CACNA2D1: variants seen among roughly 807,000 people sequenced by gnomAD.
CACNA2D1 encodes voltage-dependent calcium channel subunit alpha-2/delta-1.
CACNA2D1 carries 53 observed loss-of-function variants against 171.5 expected under a neutral mutation model. The ratio of observed to expected loss-of-function variants is 0.31; its 90% CI spans 0.25 to 0.39. The LOEUF is 0.39. CACNA2D1 is among the 10% of genes least tolerant of loss of function. The pLI is 1.00. For missense variants in CACNA2D1, 903 were observed against 1,299.8 expected (o/e 0.69, Z 4.69); for synonymous variants, 442 against 443.1 (o/e 1.00, Z 0.03).
chr7:82,347,637 G>C (rs1341684078), intron 2 of CACNA2D1, among the ~76,000 whole-genome samples: 1 of 152,102 alleles, frequency 6.6e-6, no homozygotes, highest in Non-Finnish European at 1.5e-5. Flanking sequence ...GTCTGTGTAA[G>C]ATGACACTCT....
intron 3 of CACNA2D1, among the ~76,000 whole-genome samples, chr7:82,290,717 C>T (rs1266296598): frequency 1.3e-5 from 2 of 151,684 alleles, no homozygotes; most frequent in Non-Finnish European, 2.9e-5. Flanking sequence ...ATGCCTCAGC[C>T]TCCCGAGCAG....
At chr7:82,088,766 T>C (rs1810786208) in intron 6 of CACNA2D1, among the ~76,000 whole-genome samples, 2 of 152,120 alleles carry the variant, frequency 1.3e-5, no homozygotes, top group African/African-American at 4.8e-5. Context: ...AATTATATTG[T>C]ATTTTATATT....
intron 3 of CACNA2D1, among the ~76,000 whole-genome samples, chr7:82,286,554 A>C (rs1045255834): frequency 5.9e-5 from 9 of 152,134 alleles, no homozygotes; most frequent in Non-Finnish European, 1.2e-4. Flanking sequence ...AATCTTTCCA[A>C]AGTGATTTTC....
chr7:82,125,812 C>T (rs900373159), intron 5 of CACNA2D1, among the ~76,000 whole-genome samples: 1 of 152,134 alleles, frequency 6.6e-6, no homozygotes, highest in African/African-American at 2.4e-5. Flanking sequence ...GAGCATTTAA[C>T]TTTGCTTTGT....
intron 1 of CACNA2D1, among the ~76,000 whole-genome samples, chr7:82,440,433 A>C (rs1232042470): frequency 4.5e-4 from 68 of 151,994 alleles, no homozygotes; most frequent in Non-Finnish European, 1.2e-4. Flanking sequence ...ACCCTTTTTG[A>C]AAGCTACATT....
chr7:82,234,357 A>G (rs1262459846), intron 3 of CACNA2D1, among the ~76,000 whole-genome samples: 2 of 152,136 alleles, frequency 1.3e-5, no homozygotes, highest in East Asian at 3.8e-4. Context: ...TAAAAAATAT[A>G]TTTTTTACTA....
chr7:82,040,618 G>A (rs76310981), intron 10 of CACNA2D1, among the ~76,000 whole-genome samples: 40,221 of 151,846 alleles, frequency 0.26, 5,491 homozygotes, highest in Middle Eastern at 0.49. Flanking sequence ...GACTGTTTTG[G>A]ATGAGAGAAA....
intron 3 of CACNA2D1, among the ~76,000 whole-genome samples, chr7:82,236,420 G>C (rs1178243846): frequency 6.6e-6 from 1 of 151,970 alleles, no homozygotes; most frequent in African/African-American, 2.4e-5. Context: ...AGGTACTCTA[G>C]ACATGCATAA....
chr7:82,192,020 C>T lies in CACNA2D1; in HGVS notation c.295-21411G>A, dbSNP rs146542122. ...AAAACTTCTTAAAGTTGTATTTTCA[C>T]AAATTCATGCATCTAAAAAAATGTT... On this transcript the variant is annotated intron_variant, in intron 3 of 38. Coordinates refer to ENST00000356860, the MANE Select transcript of CACNA2D1 (RefSeq NM_000722.4). Among the ~76,000 whole-genome samples the T allele has an allele frequency of 1.4e-4, 21 of 151,804 alleles. No individual in the cohort carries two copies. In the East Asian group the frequency reaches 4.1e-3, roughly 29 times the overall value.
intron 4 of CACNA2D1, among the ~76,000 whole-genome samples, chr7:82,148,946 T>G (rs531001411): frequency 6.6e-6 from 1 of 152,310 alleles, no homozygotes; most frequent in Non-Finnish European, 1.5e-5. Context: ...TGGACACCCT[T>G]CTTAATGCCT....
intron 3 of CACNA2D1, among the ~76,000 whole-genome samples, chr7:82,323,264 TAAA>T (rs879405351): frequency 6.9e-6 from 1 of 144,736 alleles, no homozygotes; most frequent in South Asian, 2.2e-4. Context: ...GCTATGTTGT[TAAA>T]AAAAAAAAAG....
intron 3 of CACNA2D1, among the ~76,000 whole-genome samples, chr7:82,219,625 A>T (rs774463747): frequency 1.3e-5 from 2 of 152,150 alleles, no homozygotes; most frequent in Non-Finnish European, 2.9e-5. Flanking sequence ...ATTTTCTTTG[A>T]AGAGCAAAGA....
chr7:82,063,947 C>T (rs1417739119), intron 9 of CACNA2D1, among the ~76,000 whole-genome samples: 2 of 151,606 alleles, frequency 1.3e-5, no homozygotes, highest in Non-Finnish European at 2.9e-5. Context: ...TAACCTTGAT[C>T]TCCTGGGCTC....
At chr7:81,994,741 A>C (rs1797870610) in intron 20 of CACNA2D1, 127 bp downstream of exon 20, 1 of 603,898 alleles carries the variant, frequency 1.7e-6, no homozygotes, top group Non-Finnish European at 3.0e-6. Flanking sequence ...AAAAAGAAAA[A>C]TTGTTTCCTA....
At chr7:82,383,826 T>A (rs965457310) in intron 1 of CACNA2D1, among the ~76,000 whole-genome samples, 1 of 152,216 alleles carries the variant, frequency 6.6e-6, no homozygotes, top group Non-Finnish European at 1.5e-5. Flanking sequence ...TTGTTCAAAG[T>A]TCTTTCCATA....
At chr7:81,965,323 A>C (rs1339863315) in intron 32 of CACNA2D1, among the ~76,000 whole-genome samples, 1 of 151,950 alleles carries the variant, frequency 6.6e-6, no homozygotes, top group East Asian at 1.9e-4. Flanking sequence ...AAGTTTTCTA[A>C]ATATCAGAAA....
intron 3 of CACNA2D1, among the ~76,000 whole-genome samples, chr7:82,296,220 T>C (rs889484608): frequency 6.6e-6 from 1 of 151,668 alleles, no homozygotes; most frequent in African/African-American, 2.4e-5. Flanking sequence ...ATAACTAACC[T>C]GCACATTGTG....
chr7:81,961,540 T>C (rs1794115910), intron 36 of CACNA2D1, among the ~76,000 whole-genome samples: 3 of 151,526 alleles, frequency 2.0e-5, no homozygotes, highest in South Asian at 4.1e-4. Flanking sequence ...TTAATAACTT[T>C]ATATTAGAAA....
intron 21 of CACNA2D1, among the ~76,000 whole-genome samples, chr7:81,984,997 C>G (rs1346530240): frequency 6.6e-6 from 1 of 151,964 alleles, no homozygotes; most frequent in Admixed American, 6.6e-5. Flanking sequence ...TCATGGCCCC[C>G]TACTATGTTT....
Sources: gnomAD v4.1 joint callset for allele counts (sites outside exome capture counted in the v4.1 genomes callset) on GRCh38, gnomAD v4.1.1 for gene constraint, MANE v1.5 for transcripts, NCBI Gene and HGNC (gene_info 2026-07-23, HGNC 2026-07-21) for gene names.